XG: variants seen among roughly 807,000 people sequenced by gnomAD.
XG encodes glycoprotein Xg.
A neutral mutation model predicts 25.7 loss-of-function variants in XG; 24 were observed. That is an observed-to-expected ratio of 0.93 (90% CI 0.68 to 1.31). The LOEUF (loss-of-function observed/expected upper bound fraction) is 1.31, where lower values mean the gene tolerates loss of function less well. XG is among the 40% of genes most tolerant of loss of function. XG has a pLI of 0.00. For synonymous variants in XG, 77 were observed against 69.2 expected (o/e 1.11, Z -0.56); for missense variants, 181 against 187.6 (o/e 0.96, Z 0.21).
intron 9 of XG, among the ~76,000 whole-genome samples, chrX:2,810,696 A>T: frequency 9.1e-6 from 1 of 110,470 alleles, no homozygotes. Context: ...CGAGTGGATC[A>T]CCTGAGGTCA....
intron 1 of XG, among the ~76,000 whole-genome samples, chrX:2,758,034 C>G (rs968163079): frequency 2.3e-4 from 35 of 150,478 alleles, no homozygotes; most frequent in Admixed American, 4.6e-4. Flanking sequence ...AGGTGAGAAG[C>G]CATACCACGC....
At chrX:2,780,691 T>A (rs1405588593) in intron 3 of XG, among the ~76,000 whole-genome samples, 1 of 150,596 alleles carries the variant, frequency 6.6e-6, no homozygotes, top group African/African-American at 2.4e-5. Flanking sequence ...GCACTCCAGC[T>A]TGGGCGACAG....
intron 1 of XG, among the ~76,000 whole-genome samples, chrX:2,755,704 G>T (rs1471167935): frequency 6.6e-6 from 1 of 152,086 alleles, no homozygotes; most frequent in Non-Finnish European, 1.5e-5. Context: ...GTGAGGTCTG[G>T]ATCAGGGCCC....
At chrX:2,814,318 T>TTC (rs1555893640) in intron 10 of XG, 46 bp from the exon 11 acceptor site, 1 of 1,182,759 alleles carries the variant, frequency 8.5e-7, no homozygotes, top group Non-Finnish European at 1.1e-6. Flanking sequence ...AATAAGACTT[T>TTC]TTTTTTTGCC....
intron 3 of XG, among the ~76,000 whole-genome samples, chrX:2,776,803 T>A (rs1329458723): frequency 1.3e-5 from 2 of 150,906 alleles, no homozygotes; most frequent in Non-Finnish European, 3.0e-5. Flanking sequence ...AGCCGAGATC[T>A]CCCACTGCAC....
intron 4 of XG, among the ~76,000 whole-genome samples, chrX:2,782,571 C>T (rs1389546510): frequency 1.8e-5 from 2 of 110,637 alleles, no homozygotes; most frequent in African/African-American, 3.3e-5. Flanking sequence ...GCTGACCGGT[C>T]AGGTTGGAAA....
chrX:2,800,467 G>A (rs1442312130), intron 7 of XG, among the ~76,000 whole-genome samples: 1 of 112,364 alleles, frequency 8.9e-6, no homozygotes, highest in Non-Finnish European at 1.9e-5. Flanking sequence ...ATATTTTGGA[G>A]TAAAATATTT....
At chrX:2,766,150 C>CTCTCT (rs1556360733) in intron 1 of XG, among the ~76,000 whole-genome samples, 2 of 151,366 alleles carry the variant, frequency 1.3e-5, no homozygotes, top group African/African-American at 2.4e-5. Flanking sequence ...CTCTCTCTCT[C>CTCTCT]TTTTTTTTTG....
chrX:2,798,121 A>G (rs763598166), intron 7 of XG, among the ~76,000 whole-genome samples: 24 of 111,673 alleles, frequency 2.1e-4, no homozygotes, highest in African/African-American at 7.5e-4. Flanking sequence ...CCCAGAGTGA[A>G]AGCCGTGTTC....
intron 7 of XG, among the ~76,000 whole-genome samples, chrX:2,804,764 G>A (rs2147090468): frequency 9.0e-6 from 1 of 111,398 alleles, no homozygotes; most frequent in African/African-American, 3.2e-5. Context: ...TGCCATTTTT[G>A]GGGGACCATT....
At chrX:2,783,792 T>C (rs761675108) in intron 4 of XG, among the ~76,000 whole-genome samples, 1 of 112,432 alleles carries the variant, frequency 8.9e-6, no homozygotes, top group Non-Finnish European at 1.9e-5. Context: ...CTGGCCAACA[T>C]GGCGAAACCC....
At chrX:2,759,590 C>A (rs1603302888) in intron 1 of XG, among the ~76,000 whole-genome samples, 1 of 152,164 alleles carries the variant, frequency 6.6e-6, no homozygotes, top group Non-Finnish European at 1.5e-5. Context: ...AGGGGCTGTG[C>A]AGAAAAAGTC....
At position 2,774,416 on chromosome X, in the gene XG, G is replaced by A. The variant is rs887635551; in HGVS notation, c.104-300G>A. Among the ~76,000 whole-genome samples, 31 of 106,292 alleles carry A rather than the reference G, an allele frequency of 2.9e-4. No homozygotes were observed. In the East Asian group the frequency reaches 3.6e-3, roughly 12 times the overall value. 69.7% of individuals were successfully genotyped at this position (106,292 alleles called of 152,430 possible). A position where few individuals can be genotyped will look rare whatever the true frequency, so the allele number is the denominator to read the frequency against. On this transcript the variant is annotated intron_variant, in intron 2 of 10. Transcript: ENST00000644266. ...GCCTCCCCCTGCCTCACCCTCCACC[G>A]TCCAGCCCTGTGGTGGCTCTACGGG...
intron 9 of XG, 111 bp from the exon 10 acceptor site, chrX:2,811,225 A>T: frequency 1.9e-6 from 1 of 518,431 alleles, no homozygotes; most frequent in Non-Finnish European, 3.1e-6. Flanking sequence ...TTTTGTCATT[A>T]CTTTCAATGG....
At chrX:2,765,105 T>A (rs2050650593) in intron 1 of XG, among the ~76,000 whole-genome samples, 1 of 147,832 alleles carries the variant, frequency 6.8e-6, no homozygotes, top group Non-Finnish European at 1.5e-5. Flanking sequence ...CTCCGCACTT[T>A]GGGAGGCCAA....
chrX:2,766,654 T>A (rs2050701069), intron 1 of XG, among the ~76,000 whole-genome samples: 1 of 139,500 alleles, frequency 7.2e-6, no homozygotes, highest in Admixed American at 7.7e-5. Context: ...AAGCTCCGCC[T>A]CCCGGGTTCA....
At chrX:2,756,876 G>A (rs1270631300) in intron 1 of XG, among the ~76,000 whole-genome samples, 3 of 152,156 alleles carry the variant, frequency 2.0e-5, no homozygotes, top group East Asian at 3.9e-4. Context: ...TGCGACCCCC[G>A]AAGCCCTAGT....
At chrX:2,758,794 G>C (rs1229380993) in intron 1 of XG, among the ~76,000 whole-genome samples, 1 of 152,160 alleles carries the variant, frequency 6.6e-6, no homozygotes, top group Non-Finnish European at 1.5e-5. Context: ...CTGAGGCTGA[G>C]GAATCTTGCC....
chrX:2,767,187 T>C (rs1157267412), intron 1 of XG, among the ~76,000 whole-genome samples: 4 of 152,130 alleles, frequency 2.6e-5, no homozygotes, highest in African/African-American at 9.7e-5. Context: ...GAAGCATCTT[T>C]GAATCCGGCA....
Sources: gnomAD v4.1 joint callset for allele counts (sites outside exome capture counted in the v4.1 genomes callset) on GRCh38, gnomAD v4.1.1 for gene constraint, MANE v1.5 for transcripts, NCBI Gene and HGNC (gene_info 2026-07-23, HGNC 2026-07-21) for gene names.